The following BMP7 variants were observed in gnomAD, a reference collection of about 807,000 sequenced individuals.
BMP7 encodes osteogenic protein 1.
In BMP7, 12 loss-of-function variants were observed where a neutral mutation model predicts 41.2. That is an observed-to-expected ratio of 0.29 (90% confidence interval 0.19 to 0.47). The LOEUF (loss-of-function observed/expected upper bound fraction) is 0.47. BMP7 is among the 20% of genes least tolerant of loss of function. The pLI is 0.99. For synonymous variants in BMP7, 248 were observed against 250.0 expected, an observed-to-expected ratio of 0.99 and a Z score of 0.07; for missense variants, 467 against 606.0, an observed-to-expected ratio of 0.77 and a Z score of 2.41.
chr20:57,200,654 G>A lies in BMP7; in HGVS notation c.760+1821C>T, dbSNP rs554502820. ...GTTACTAAAAATAGAAAAATTAGCC[G>A]GTGTGGTGGCGGGCGCCTGTAGTCC... On this transcript the variant is annotated intron_variant, in intron 3 of 6. Transcript: ENST00000395863. Among the ~76,000 whole-genome samples the A allele has an allele frequency of 4.9e-4, 74 of 152,290 alleles. 1 individual carries two copies. Among genetic ancestry groups the A allele is most frequent in the South Asian group, 3.5e-3 (17 of 4,828 alleles).
At chr20:57,179,231 G>A (rs1984011103) in intron 4 of BMP7, among the ~76,000 whole-genome samples, 1 of 152,220 alleles carries the variant, frequency 6.6e-6, no homozygotes. Context: ...AGGAAACGAA[G>A]GAGGGACTCC....
At chr20:57,186,517 T>A (rs965571081) in intron 3 of BMP7, among the ~76,000 whole-genome samples, 1 of 152,302 alleles carries the variant, frequency 6.6e-6, no homozygotes, top group Middle Eastern at 3.4e-3. Context: ...CCTGTTTTAC[T>A]CATGACAGCA....
At position 57,207,003 on chromosome 20, in the gene BMP7, C is replaced by T. The variant is rs1984747328; in HGVS notation, c.612-4380G>A. ...TTAGATTTTCTGCAAATAACAGCCA[C>T]CAACAATTCCTTGTCTCTGTATGCA... On this transcript the variant is annotated intron_variant, in intron 2 of 6. Transcript: ENST00000395863. 2.0e-5 allele frequency among the ~76,000 whole-genome samples: 3 copies of T among 152,230 alleles called. No homozygotes were observed. The South Asian group carries it at 6.2e-4, about 32-fold the overall frequency.
At chr20:57,231,780 C>T (rs1435732805) in intron 1 of BMP7, among the ~76,000 whole-genome samples, 1 of 152,232 alleles carries the variant, frequency 6.6e-6, no homozygotes, top group East Asian at 1.9e-4. Flanking sequence ...TTCCCTGCTC[C>T]CAGTGCTGGA....
intron 2 of BMP7, among the ~76,000 whole-genome samples, chr20:57,225,157 T>C (rs1342477412): frequency 6.6e-6 from 1 of 151,986 alleles, no homozygotes; most frequent in Non-Finnish European, 1.5e-5. Flanking sequence ...GAAGAAGCTG[T>C]GCGGGCCCAG....
At chr20:57,219,919 C>T (rs1985149742) in intron 2 of BMP7, among the ~76,000 whole-genome samples, 1 of 152,208 alleles carries the variant, frequency 6.6e-6, no homozygotes, top group Admixed American at 6.5e-5. Context: ...AAACCAGTGG[C>T]CAACAGGTTT....
chr20:57,257,594 T>C (rs917196013), intron 1 of BMP7, among the ~76,000 whole-genome samples: 1 of 152,168 alleles, frequency 6.6e-6, no homozygotes, highest in Non-Finnish European at 1.5e-5. Context: ...ATACAACTTA[T>C]TACTATTTAA....
chr20:57,177,025 G>A (rs1983942899), intron 4 of BMP7, among the ~76,000 whole-genome samples: 1 of 152,184 alleles, frequency 6.6e-6, no homozygotes, highest in Non-Finnish European at 1.5e-5. Context: ...GAGTGGTGCA[G>A]TAAGCTAGCC....
intron 3 of BMP7, 21 bp from the exon 4 acceptor site, chr20:57,183,940 T>C: frequency 6.2e-7 from 1 of 1,611,602 alleles, no homozygotes; most frequent in Non-Finnish European, 8.5e-7. Flanking sequence ...AGCAGCCAAG[T>C]GCACAGAAGA....
chr20:57,233,514 G>A (rs2066036558), intron 1 of BMP7, among the ~76,000 whole-genome samples: 1 of 152,196 alleles, frequency 6.6e-6, no homozygotes, highest in Admixed American at 6.5e-5. Flanking sequence ...ATGGGTTAGA[G>A]GCCAGGTAGG....
At chr20:57,242,421 A>T (rs975068015) in intron 1 of BMP7, among the ~76,000 whole-genome samples, 1 of 152,214 alleles carries the variant, frequency 6.6e-6, no homozygotes, top group African/African-American at 2.4e-5. Flanking sequence ...GCTGGCTGGT[A>T]TAACCCCAGG....
intron 1 of BMP7, among the ~76,000 whole-genome samples, chr20:57,236,811 T>G (rs1397112711): frequency 1.3e-5 from 2 of 150,192 alleles, no homozygotes; most frequent in Middle Eastern, 3.5e-3. Flanking sequence ...CAGTTGCACA[T>G]GAAAGATATT....
chr20:57,201,853 C>T (rs1984627512), intron 3 of BMP7, among the ~76,000 whole-genome samples: 2 of 152,172 alleles, frequency 1.3e-5, no homozygotes, highest in Admixed American at 1.3e-4. Flanking sequence ...GGAGGCAGAA[C>T]TGTAGTGGGA....
chr20:57,265,062 A>G (rs368969997), intron 1 of BMP7, among the ~76,000 whole-genome samples: 3 of 88,924 alleles, frequency 3.4e-5, no homozygotes, highest in Non-Finnish European at 7.4e-5. Flanking sequence ...GAAAAGAAAA[A>G]AAAAGAAAAA....
At chr20:57,248,813 T>G (rs146939978) in intron 1 of BMP7, among the ~76,000 whole-genome samples, 2,591 of 148,040 alleles carry the variant, frequency 0.018, 88 homozygotes, top group African/African-American at 0.059. Flanking sequence ...GTTTTGTTTT[T>G]TTTGAGACAG....
At chr20:57,182,073 G>A (rs896267933) in intron 4 of BMP7, among the ~76,000 whole-genome samples, 1 of 152,234 alleles carries the variant, frequency 6.6e-6, no homozygotes, top group Non-Finnish European at 1.5e-5. Context: ...TTGGGGATGG[G>A]GAGCAAACTG....
rs1434816603 is a variant in BMP7, at chr20:57,259,246, A to G, written c.418+6459T>C. Among the ~76,000 whole-genome samples, 1 of 151,976 alleles carries G rather than the reference A, an allele frequency of 6.6e-6. No individual in the cohort carries two copies. The highest frequency in any genetic ancestry group is 2.4e-5 in the African/African-American group (1 of 41,372). ...CCATATATCACCCAGAATTAGCTGC[A>G]AAGTGTCAGGAGACTTGGCCAGGCA... On this transcript the variant is annotated intron_variant, in intron 1 of 6. Coordinates refer to ENST00000395863, the MANE Select transcript of BMP7 (RefSeq NM_001719.3). This position sits in a 1 kb window ranked among gnomAD's most constrained non-coding sequence, Gnocchi z 4.7.
In BMP7 at chr20:57,169,385, G is replaced by A. The variant is rs535826303; in HGVS notation, c.*1574C>T. 5.3e-5 allele frequency: 8 copies of A among 152,354 alleles called. No homozygotes were observed. The highest frequency in any genetic ancestry group is 2.1e-4 in the South Asian group (1 of 4,820). 9.4% of individuals were successfully genotyped at this position (152,354 alleles called of 1,614,324 possible). On this transcript the variant is annotated 3_prime_UTR_variant, in exon 7 of 7. Transcript: ENST00000395863. ...CCTTGTGTTTGTGGCCGGAGGCTGAGTGCATACTATTTATGGGACTCACCA... is the reference window on the plus strand; with the variant it reads ...CCTTGTGTTTGTGGCCGGAGGCTGAATGCATACTATTTATGGGACTCACCA...
At chr20:57,263,758 T>A (rs1259209142) in intron 1 of BMP7, among the ~76,000 whole-genome samples, 1 of 152,184 alleles carries the variant, frequency 6.6e-6, no homozygotes, top group Non-Finnish European at 1.5e-5. Flanking sequence ...TATATGTATG[T>A]ATTTGGAATT....
Sources: gnomAD v4.1 joint callset for allele counts (sites outside exome capture counted in the v4.1 genomes callset) on GRCh38, gnomAD v4.1.1 for gene constraint, Gnocchi (gnomAD v3.1) non-coding constraint, MANE v1.5 for transcripts, NCBI Gene and HGNC (gene_info 2026-07-23, HGNC 2026-07-21) for gene names.